Variants in SCAPER observed in about 807,000 individuals in gnomAD.
SCAPER encodes S phase cyclin A-associated protein in the endoplasmic reticulum.
A neutral mutation model predicts 182.2 loss-of-function variants in SCAPER; 98 were observed. The observed-to-expected ratio is 0.54, with a 90% confidence interval of 0.46 to 0.64. SCAPER has a LOEUF of 0.64. SCAPER is among the 30% of genes least tolerant of loss of function. The pLI is 0.00. For synonymous variants in SCAPER, 605 were observed against 564.6 expected, an observed-to-expected ratio of 1.07 and a Z score of -1.01; for missense variants, 1,432 against 1,690.0, an observed-to-expected ratio of 0.85 and a Z score of 2.68.
intron 21 of SCAPER, among the ~76,000 whole-genome samples, chr15:76,648,354 T>G (rs1483617732): frequency 2.6e-5 from 4 of 152,018 alleles, no homozygotes; most frequent in Non-Finnish European, 5.9e-5. Context: ...CAGAACTATC[T>G]AAACTAGAGA....
chr15:76,426,788 T>C (rs2046466321), intron 26 of SCAPER, among the ~76,000 whole-genome samples: 1 of 152,070 alleles, frequency 6.6e-6, no homozygotes, highest in Non-Finnish European at 1.5e-5. Context: ...AGAACAAAGC[T>C]GGAGGCATCA....
chr15:76,699,034 T>C (rs951356634), intron 20 of SCAPER, among the ~76,000 whole-genome samples: 2 of 152,222 alleles, frequency 1.3e-5, no homozygotes, highest in Non-Finnish European at 2.9e-5. Context: ...CTATTTTGAA[T>C]GAGACTGAGT....
chr15:76,898,270 G>A (rs1244372743), intron 1 of SCAPER, among the ~76,000 whole-genome samples: 1 of 152,194 alleles, frequency 6.6e-6, no homozygotes, highest in African/African-American at 2.4e-5. Context: ...AGAAGATGTG[G>A]AGAAACTGGA....
At chr15:76,364,766 T>C (rs1000930939) in intron 29 of SCAPER, among the ~76,000 whole-genome samples, 2 of 152,054 alleles carry the variant, frequency 1.3e-5, no homozygotes, top group African/African-American at 4.8e-5. Context: ...TCCGGGACTT[T>C]GGAACATAGT....
At chr15:76,724,147 G>C (rs2060441559) in intron 17 of SCAPER, among the ~76,000 whole-genome samples, 1 of 6,530 alleles carries the variant, frequency 1.5e-4, no homozygotes, top group South Asian at 0.17. Flanking sequence ...GTCTTTGCTT[G>C]TTTGTAAAGC....
intron 21 of SCAPER, among the ~76,000 whole-genome samples, chr15:76,624,679 G>A (rs541546710): frequency 3.3e-5 from 5 of 152,332 alleles, no homozygotes; most frequent in Non-Finnish European, 7.3e-5. Context: ...AGGTTCTGGT[G>A]AAGTTTTGCT....
chr15:76,762,533 C>A (rs2062854867), intron 14 of SCAPER, among the ~76,000 whole-genome samples: 1 of 151,928 alleles, frequency 6.6e-6, no homozygotes, highest in African/African-American at 2.4e-5. Context: ...GCACTTTTAC[C>A]TACCATTACA....
Position 76,733,357 on chromosome 15 carries a change from G to C in SCAPER, c.1894C>G (p.Leu632Val). 6.2e-7 allele frequency: 1 copy of C among 1,613,360 alleles called. No homozygotes were observed. The highest frequency in any genetic ancestry group is 8.5e-7 in the Non-Finnish European group (1 of 1,179,726). ...TCATGACGTTTATTCTGGGCTTCAA[G>C]GGTATTTATAAAGGCAATTTCATTT... ...KVNEIAFINT[L>V]EAQNKRHDVL... The change falls in exon 16 of 32, where the codon CTT becomes GTT. Residue 632 changes from leucine to valine, a missense_variant. This residue lies in a region of SCAPER where 88 missense variants were observed against 184.2 expected (regional missense o/e 0.48). Transcript: ENST00000563290.
chr15:76,438,750 C>T (rs1323172360), intron 25 of SCAPER, among the ~76,000 whole-genome samples: 1 of 152,206 alleles, frequency 6.6e-6, no homozygotes, highest in Non-Finnish European at 1.5e-5. Context: ...CTCCTATTTT[C>T]CAACAGTCTC....
intron 20 of SCAPER, among the ~76,000 whole-genome samples, chr15:76,695,312 G>C (rs2058592896): frequency 6.6e-6 from 1 of 151,998 alleles, no homozygotes; most frequent in Admixed American, 6.6e-5. Context: ...AAAATTATTT[G>C]TGGCCAGGCA....
intron 1 of SCAPER, among the ~76,000 whole-genome samples, chr15:76,892,480 A>T (rs972969529): frequency 1.3e-5 from 2 of 152,242 alleles, no homozygotes; most frequent in African/African-American, 2.4e-5. Context: ...TTTACAAGAA[A>T]AAAAACAACC....
intron 18 of SCAPER, 149 bp from the exon 19 acceptor site, chr15:76,703,151 G>C (rs2059055819): frequency 1.3e-6 from 1 of 783,952 alleles, no homozygotes; most frequent in Non-Finnish European, 1.9e-6. Flanking sequence ...TTTACACAAA[G>C]CCCTTTAATA....
At chr15:76,504,824 G>A in intron 24 of SCAPER, 35 bp downstream of exon 24, 1 of 1,516,770 alleles carries the variant, frequency 6.6e-7, no homozygotes, top group Non-Finnish European at 8.9e-7. Context: ...ACTCACAAAT[G>A]AAACGTAAAA....
At chr15:76,752,447 C>T (rs79217241) in intron 15 of SCAPER, among the ~76,000 whole-genome samples, 2,366 of 151,886 alleles carry the variant, frequency 0.016, 62 homozygotes, top group African/African-American at 0.055. Flanking sequence ...TACAACAGCA[C>T]TGTTCACAAT....
rs1382159407 is a variant in SCAPER at position 76,775,005 on chromosome 15, C to G, written c.885G>C (p.Lys295Asn). 1 of 1,613,698 alleles carries G rather than the reference C, an allele frequency of 6.2e-7. No individual in the cohort carries two copies. Among genetic ancestry groups the G allele is most frequent in the Non-Finnish European group, 8.5e-7 (1 of 1,179,786 alleles). Residue 295 changes from lysine to asparagine, a missense_variant, in exon 9 of 32, where the codon AAG becomes AAC. Lys to Asn is a moderately conservative substitution (Grantham distance 94). Coordinates refer to ENST00000563290, the MANE Select transcript of SCAPER (RefSeq NM_020843.4). ...ATACATTTTCTTTATCACTGTCATC[C>G]TTTGATCTTGTGGCTTCTGTTGCCA... The part of the protein sequence containing the change: ...VSLATEATRS[K>N]DDSDKENVCL...
intron 23 of SCAPER, among the ~76,000 whole-genome samples, chr15:76,534,900 C>A (rs1332884373): frequency 6.6e-6 from 1 of 151,646 alleles, no homozygotes; most frequent in African/African-American, 2.4e-5. Context: ...ATCTTTATTC[C>A]TGGGCTAAGA....
At chr15:76,392,421 T>C (rs1444466927) in intron 27 of SCAPER, among the ~76,000 whole-genome samples, 1 of 152,110 alleles carries the variant, frequency 6.6e-6, no homozygotes, top group African/African-American at 2.4e-5. Context: ...TTTTCATATG[T>C]GAACAACAGG....
chr15:76,797,699 G>A (rs1053521663), intron 7 of SCAPER: 1 of 152,150 alleles, frequency 6.6e-6, no homozygotes, highest in African/African-American at 2.4e-5. Context: ...CTGTCAAATC[G>A]TTAGGTGATG....
intron 22 of SCAPER, among the ~76,000 whole-genome samples, chr15:76,582,897 T>G (rs753343924): frequency 3.9e-5 from 6 of 152,198 alleles, no homozygotes; most frequent in Non-Finnish European, 5.9e-5. Context: ...CCGAGAGAAC[T>G]GGATATCCAT....
Sources: gnomAD v4.1 joint callset for allele counts (sites outside exome capture counted in the v4.1 genomes callset) on GRCh38, gnomAD v4.1.1 for gene constraint, gnomAD v4.1.1 regional missense constraint, MANE v1.5 for transcripts, NCBI Gene and HGNC (gene_info 2026-07-23, HGNC 2026-07-21) for gene names.